Variants in NPTX2 observed in about 807,000 individuals in gnomAD.
NPTX2 encodes neuronal pentraxin-2.
NPTX2 carries 23 observed loss-of-function variants against 38.1 expected under a neutral mutation model. The ratio of observed to expected loss-of-function variants is 0.60; its 90% CI spans 0.43 to 0.85. The LOEUF is 0.85. Among genes scored for constraint, NPTX2 ranks in the 40% least tolerant of loss-of-function variants. The pLI, the probability that NPTX2 is intolerant of heterozygous loss-of-function variation, is 0.00. For missense variants in NPTX2, 553 were observed against 615.3 expected (o/e 0.90, Z 1.07); for synonymous variants, 291 against 287.3 (o/e 1.01, Z -0.13).
chr7:98,617,940 G>T, intron 1 of NPTX2, 53 bp downstream of exon 1: 1 of 1,508,520 alleles, frequency 6.6e-7, no homozygotes, highest in Non-Finnish European at 8.8e-7. Flanking sequence ...CTCCCGAGTC[G>T]GGGGCGGAAG....
intron 3 of NPTX2, among the ~76,000 whole-genome samples, chr7:98,626,219 T>A (rs1044521638): frequency 2.6e-5 from 4 of 151,376 alleles, no homozygotes; most frequent in African/African-American, 9.7e-5. Flanking sequence ...TTCCAAACTT[T>A]CATTCTAATG....
chr7:98,619,161 A>G (rs1003080658), intron 1 of NPTX2, among the ~76,000 whole-genome samples: 1 of 152,182 alleles, frequency 6.6e-6, no homozygotes, highest in Non-Finnish European at 1.5e-5. Flanking sequence ...CAGAATAGCA[A>G]CGTTTTAGAT....
chr7:98,619,596 C>A lies in NPTX2; in HGVS notation c.427-47C>A, dbSNP rs1411274877. The A allele has an allele frequency of 3.3e-6, 5 of 1,528,684 alleles. No homozygotes were observed. The South Asian group carries it at 3.4e-5, about 10-fold the overall frequency. 94.7% of individuals were successfully genotyped at this position (1,528,684 alleles called of 1,614,324 possible). On this transcript the variant is annotated intron_variant, in intron 1 of 4. Coordinates refer to ENST00000265634, the MANE Select transcript of NPTX2 (RefSeq NM_002523.3). ...CCATCACAGCCACATTTCACAATTT[C>A]TTTTTAACTCTTTCTGTGCCCCTCC...
In NPTX2 at chr7:98,617,928, C is replaced by T. The variant is rs1326457477; in HGVS notation, c.426+41C>T. 6.0e-5 allele frequency: 91 copies of T among 1,526,064 alleles called. No individual in the cohort carries two copies. The East Asian group carries it at 2.1e-3, about 36-fold the overall frequency. The allele number at this position is 1,526,064 out of a possible 1,614,324, so 94.5% of individuals were successfully genotyped here. On this transcript the variant is annotated intron_variant, in intron 1 of 4. Coordinates refer to ENST00000265634, the MANE Select transcript of NPTX2 (RefSeq NM_002523.3). Reference sequence around the variant, plus strand: ...GAGCGCGGGGGACCTGGAATGGGGACGCTCCCGAGTCGGGGGCGGAAGACT... The same window carrying T: ...GAGCGCGGGGGACCTGGAATGGGGATGCTCCCGAGTCGGGGGCGGAAGACT...
Position 98,629,422 on chromosome 7 carries a change from G to A in NPTX2, c.*793G>A, listed in dbSNP as rs1484156659. On this transcript the variant is annotated 3_prime_UTR_variant, in exon 5 of 5. Coordinates refer to ENST00000265634, the MANE Select transcript of NPTX2 (RefSeq NM_002523.3). ...CGTTGCAGCTTTTTACAACCATCCGGTGTGGTTTGGAGGATTTGTTTTTTT... is the reference window on the plus strand; with the variant it reads ...CGTTGCAGCTTTTTACAACCATCCGATGTGGTTTGGAGGATTTGTTTTTTT... 1 of 152,276 alleles carries A rather than the reference G, an allele frequency of 6.6e-6. No individual in the cohort carries two copies. The highest frequency in any genetic ancestry group is 2.4e-5 in the African/African-American group (1 of 41,276). 9.4% of individuals were successfully genotyped at this position (152,276 alleles called of 1,614,324 possible).
chr7:98,618,775 T>C (rs1047205120), intron 1 of NPTX2, among the ~76,000 whole-genome samples: 4 of 151,960 alleles, frequency 2.6e-5, no homozygotes, highest in Non-Finnish European at 5.9e-5. Context: ...CAAAACTAGG[T>C]TTAAATTACA....
At chr7:98,627,608 C>T (rs1047601910) in intron 4 of NPTX2, among the ~76,000 whole-genome samples, 2 of 152,162 alleles carry the variant, frequency 1.3e-5, no homozygotes, top group Non-Finnish European at 2.9e-5. Context: ...TCACGGCCTG[C>T]ATGGCAGGGA....
intron 3 of NPTX2, 139 bp downstream of exon 3, chr7:98,625,305 C>A (rs1396494343): frequency 9.0e-7 from 1 of 1,112,240 alleles, no homozygotes; most frequent in African/African-American, 1.6e-5. Context: ...CTGTCCTCCT[C>A]GAGGTGGGGA....
chr7:98,623,822 T>G (rs1791305974), intron 2 of NPTX2, among the ~76,000 whole-genome samples: 1 of 152,192 alleles, frequency 6.6e-6, no homozygotes. Flanking sequence ...TCCTAGATCC[T>G]GCGAAGATTT....
chr7:98,628,411 G>C lies in NPTX2; in HGVS notation c.1078G>C (p.Gly360Arg). 1.3e-6 allele frequency: 2 copies of C among 1,586,750 alleles called. No homozygotes were observed. The highest frequency in any genetic ancestry group is 1.7e-6 in the Non-Finnish European group (2 of 1,157,522). ...LILGQEQDTV[G>R]GRFDATQAFV... is the part of the protein sequence containing the mutation. ...TGTTCCCATTCCCCAGGACACCGTG[G>C]GGGGTAGGTTTGATGCCACTCAGGC... Residue 360 changes from glycine (G) to arginine (R), a missense_variant, in exon 5 of 5, where the codon GGG becomes CGG. Gly to Arg is a moderately radical substitution (Grantham distance 125). Coordinates refer to ENST00000265634, the MANE Select transcript of NPTX2 (RefSeq NM_002523.3).
rs1279461923 is a variant in NPTX2 at position 98,619,735 on chromosome 7, T to G, written c.519T>G (p.Leu173=). The G allele has an allele frequency of 6.2e-7, 1 of 1,613,286 alleles. No homozygotes were observed. The highest frequency in any genetic ancestry group is 8.5e-7 in the Non-Finnish European group (1 of 1,180,018). The change falls in exon 2 of 5, where the codon CTT becomes CTG. Residue 173 remains leucine (L), a synonymous_variant. Transcript: ENST00000265634. ...GGCTGGGGGAGCTGGAGAGGCAGCT[T>G]CTGCGCAAGGTGGCAGAGCTGGAGG... ...QQRLGELERQ[L]LRKVAELEDE...
chr7:98,619,560 G>T, intron 1 of NPTX2, 83 bp from the exon 2 acceptor site: 1 of 1,175,002 alleles, frequency 8.5e-7, no homozygotes, highest in Non-Finnish European at 1.3e-6. Context: ...GCTTCTCCCT[G>T]TGTGGTCGGG....
chr7:98,626,742 C>T lies in NPTX2; in HGVS notation c.889-423C>T, dbSNP rs571764500. ...ACAGATACTCACACACGTGCCGCTG[C>T]GCAGGGAGGACGGGGCACACCCGCA... On this transcript the variant is annotated intron_variant, in intron 3 of 4. Coordinates refer to ENST00000265634, the MANE Select transcript of NPTX2 (RefSeq NM_002523.3). Among the ~76,000 whole-genome samples the T allele has an allele frequency of 9.9e-4, 151 of 151,780 alleles. 1 individual carries two copies. The highest frequency in any genetic ancestry group is 2.1e-3 in the Non-Finnish European group (140 of 68,018).
chr7:98,626,349 C>T (rs955405797), intron 3 of NPTX2, among the ~76,000 whole-genome samples: 1 of 151,110 alleles, frequency 6.6e-6, no homozygotes, highest in African/African-American at 2.4e-5. Flanking sequence ...CAGTTCAGCC[C>T]CTCACTCTGT....
chr7:98,620,587 T>TA (rs2115614875), intron 2 of NPTX2, among the ~76,000 whole-genome samples: 1 of 152,326 alleles, frequency 6.6e-6, no homozygotes, highest in South Asian at 2.1e-4. Context: ...TTAGATCTGT[T>TA]AGATTCTTGA....
At position 98,625,143 on chromosome 7, in the gene NPTX2, A is replaced by G. The variant is rs754549831; in HGVS notation, c.865A>G (p.Ile289Val). The part of the protein sequence containing the change: ...IVLIEWGNNP[I>V]ELLINDKVAQ... Reference sequence around the variant, plus strand: ...GCTGATCGAGTGGGGCAACAACCCCATCGAGCTGCTCATCAACGACAAGGT... The same window carrying G: ...GCTGATCGAGTGGGGCAACAACCCCGTCGAGCTGCTCATCAACGACAAGGT... Residue 289 changes from isoleucine to valine, a missense_variant, in exon 3 of 5, where the codon ATC (isoleucine) becomes GTC (valine). Coordinates refer to ENST00000265634, the MANE Select transcript of NPTX2 (RefSeq NM_002523.3). The G allele has an allele frequency of 2.5e-6, 4 of 1,599,620 alleles. No individual in the cohort carries two copies. In the African/African-American group the frequency reaches 5.4e-5, roughly 21 times the overall value.
chr7:98,628,786 C>G lies in NPTX2; in HGVS notation c.*157C>G. On this transcript the variant is annotated 3_prime_UTR_variant, in exon 5 of 5. Coordinates refer to ENST00000265634, the MANE Select transcript of NPTX2 (RefSeq NM_002523.3). ...AGACCAGGGCTGGGGCAGTGTCTGTCACTGGCTTGTTTGTTCCCTACCAAT... is the reference window on the plus strand; with the variant it reads ...AGACCAGGGCTGGGGCAGTGTCTGTGACTGGCTTGTTTGTTCCCTACCAAT... The G allele has an allele frequency of 2.0e-6, 1 of 500,010 alleles. No homozygotes were observed. The highest frequency in any genetic ancestry group is 3.6e-6 in the Non-Finnish European group (1 of 281,572). The allele number at this position is 500,010 out of a possible 1,614,324, so 31.0% of individuals were successfully genotyped here.
rs549490847 is a variant in NPTX2, at chr7:98,618,997, T to C, written c.427-646T>C. Among the ~76,000 whole-genome samples, 5 of 152,222 alleles carry C rather than the reference T, an allele frequency of 3.3e-5. No homozygotes were observed. In the East Asian group the frequency reaches 9.7e-4, roughly 29 times the overall value. ...AGGTCCCATTATGTGCATTTCACAA[T>C]TTGGAACACTTTGTGGAGAAAGGTA... On this transcript the variant is annotated intron_variant, in intron 1 of 4. Coordinates refer to ENST00000265634, the MANE Select transcript of NPTX2 (RefSeq NM_002523.3).
intron 3 of NPTX2, among the ~76,000 whole-genome samples, chr7:98,626,779 C>A (rs554409324): frequency 9.4e-5 from 14 of 148,564 alleles, no homozygotes; most frequent in African/African-American, 3.6e-4. Context: ...CACACAGATC[C>A]CTGCGTGCCA....
Sources: allele counts gnomAD v4.1 joint callset (sites outside exome capture counted in the v4.1 genomes callset), GRCh38; gene constraint gnomAD v4.1.1; transcripts MANE v1.5; gene names NCBI Gene and HGNC (gene_info 2026-07-23, HGNC 2026-07-21).